The following ACVR2B variants were observed in gnomAD, a reference collection of about 807,000 sequenced individuals.
The protein encoded by ACVR2B is activin receptor type-2B.
ACVR2B carries 18 observed loss-of-function variants against 65.1 expected under a neutral mutation model. The ratio of observed to expected loss-of-function variants is 0.28; its 90% CI spans 0.19 to 0.41. The LOEUF (loss-of-function observed/expected upper bound fraction) is 0.41, where lower values mean the gene tolerates loss of function less well. Among genes scored for constraint, ACVR2B ranks in the 10% least tolerant of loss-of-function variants. The probability of loss-of-function intolerance (pLI) is 1.00; values close to 1 mark genes in which losing one functional copy is unlikely to be tolerated. For synonymous variants in ACVR2B, 298 were observed against 277.7 expected (o/e 1.07, Z -0.73); for missense variants, 482 against 682.7 (o/e 0.71, Z 3.28).
chr3:38,465,292 G>C (rs1289040060), intron 1 of ACVR2B, among the ~76,000 whole-genome samples: 1 of 151,690 alleles, frequency 6.6e-6, no homozygotes, highest in Non-Finnish European at 1.5e-5. Flanking sequence ...CCAGCTACTT[G>C]GGGGGCTGAG....
At chr3:38,462,010 T>G (rs1709656387) in intron 1 of ACVR2B, among the ~76,000 whole-genome samples, 1 of 151,932 alleles carries the variant, frequency 6.6e-6, no homozygotes, top group South Asian at 2.1e-4. Flanking sequence ...CTGACCAACA[T>G]GGAGAAACCC....
In ACVR2B at chr3:38,454,679, G is replaced by T. The variant is rs1392239222; in HGVS notation, c.52+305G>T. ...GCTACGCGGGCGCGTGGAACCCAGG[G>T]AAAGAGTGAGGAAAACCTGAGCGTG... On this transcript the variant is annotated intron_variant, in intron 1 of 10. Coordinates refer to ENST00000352511, the MANE Select transcript of ACVR2B (RefSeq NM_001106.4). The T allele has an allele frequency of 3.0e-5, 8 of 271,130 alleles. No individual in the cohort carries two copies. In the East Asian group the frequency reaches 4.9e-4, roughly 16 times the overall value. 16.8% of individuals were successfully genotyped at this position (271,130 alleles called of 1,614,324 possible).
chr3:38,454,552 TGGG>T, intron 1 of ACVR2B, 178 bp downstream of exon 1: 1 of 455,788 alleles, frequency 2.2e-6, no homozygotes, highest in Non-Finnish European at 3.4e-6. Flanking sequence ...TCGCCGAACT[TGGG>T]GGCACGATCT....
chr3:38,483,268 G>A lies in ACVR2B; in HGVS notation c.1475G>A (p.Cys492Tyr), dbSNP rs760196754. 1.5e-5 allele frequency: 25 copies of A among 1,614,080 alleles called. 1 individual carries two copies. The South Asian group carries it at 2.7e-4, about 18-fold the overall frequency. The change falls in exon 11 of 11, where the codon TGT becomes TAT. Residue 492 changes from cysteine to tyrosine, a missense_variant. Around this residue, in one of 5 missense-constraint regions of ACVR2B, gnomAD observed 38 missense variants for 29.3 expected, o/e 1.30. Transcript: ENST00000352511. This position sits in a 1 kb window ranked among gnomAD's most constrained non-coding sequence, Gnocchi z 4.8. ...RRSVNGTTSD[C>Y]LVSLVTSVTN... ...TCGGTCAACGGCACTACCTCGGACT[G>A]TCTCGTTTCCCTGGTGACCTCTGTC...
At chr3:38,467,443 CAAA>C (rs879791999) in intron 1 of ACVR2B, among the ~76,000 whole-genome samples, 3 of 128,966 alleles carry the variant, frequency 2.3e-5, no homozygotes, top group Non-Finnish European at 1.7e-5. Context: ...AACTCTGTCT[CAAA>C]AAAAAAAAAA....
intron 1 of ACVR2B, chr3:38,474,847 T>C (rs1265129769): frequency 6.6e-6 from 1 of 152,144 alleles, no homozygotes; most frequent in African/African-American, 2.4e-5. Flanking sequence ...CAGAGGAAGG[T>C]GGGTAACCTT....
rs983160305 is a variant in ACVR2B, at chr3:38,490,800, A to G, written c.*7468A>G. 1.3e-5 allele frequency: 2 copies of G among 152,600 alleles called. No individual in the cohort carries two copies. The highest frequency in any genetic ancestry group is 2.9e-5 in the Non-Finnish European group (2 of 68,070). The allele number at this position is 152,600 out of a possible 1,614,324, so 9.5% of individuals were successfully genotyped here. On this transcript the variant is annotated 3_prime_UTR_variant, in exon 11 of 11. Coordinates refer to ENST00000352511, the MANE Select transcript of ACVR2B (RefSeq NM_001106.4). Reference sequence around the variant, plus strand: ...AGCGTGGGCACTTGTTTTAAAGCAAAACTCTTCCCAAGGACTGAAGAAAGG... The same window carrying G: ...AGCGTGGGCACTTGTTTTAAAGCAAGACTCTTCCCAAGGACTGAAGAAAGG...
chr3:38,469,262 C>T (rs938592118), intron 1 of ACVR2B, among the ~76,000 whole-genome samples: 6 of 152,178 alleles, frequency 3.9e-5, no homozygotes, highest in Admixed American at 6.5e-5. Context: ...CAAGAAGGAG[C>T]TGGAAACTAG....
At position 38,479,175 on chromosome 3, in the gene ACVR2B, C is replaced by T. The variant is rs768662356; in HGVS notation, c.714C>T (p.Gly238=). 1.9e-6 allele frequency: 3 copies of T among 1,614,184 alleles called. No individual in the cohort carries two copies. Among genetic ancestry groups the T allele is most frequent in the East Asian group, 2.2e-5 (1 of 44,876 alleles). ...AACGGGAGATCTTCAGCACACCTGG[C>T]ATGAAGCACGAGAACCTGCTACAGT... ...QSEREIFSTP[G]MKHENLLQFI... Residue 238 remains glycine (G), a synonymous_variant, in exon 6 of 11, where the codon GGC becomes GGT. Coordinates refer to ENST00000352511, the MANE Select transcript of ACVR2B (RefSeq NM_001106.4).
chr3:38,482,420 T>G lies in ACVR2B; in HGVS notation c.1214-10T>G. The G allele has an allele frequency of 6.2e-7, 1 of 1,611,916 alleles. No individual in the cohort carries two copies. The highest frequency in any genetic ancestry group is 8.5e-7 in the Non-Finnish European group (1 of 1,179,670). ...TAGAGTGATCCTGCCAGGCTCTCTC[T>G]TTCTCCTAGGACCCGTGGATGAGTA... On this transcript the variant is annotated splice_polypyrimidine_tract_variant and intron_variant, in intron 9 of 10. Transcript: ENST00000352511.
In ACVR2B at chr3:38,482,560, G is replaced by A; in HGVS notation, c.1344G>A (p.Pro448=). The change falls in exon 10 of 11, where the codon CCG becomes CCA. Residue 448 remains proline (P), a splice_region_variant and synonymous_variant. Coordinates refer to ENST00000352511, the MANE Select transcript of ACVR2B (RefSeq NM_001106.4). ...PTIKDHWLKH[P]GLAQLCVTIE... Reference sequence around the variant, plus strand: ...TTAAAGATCACTGGTTGAAACACCCGGTAAGGGGCCTGGTTCAGGCAACTT... The same window carrying A: ...TTAAAGATCACTGGTTGAAACACCCAGTAAGGGGCCTGGTTCAGGCAACTT... 1 of 1,609,864 alleles carries A rather than the reference G, an allele frequency of 6.2e-7. No homozygotes were observed.
chr3:38,463,229 C>T (rs1028053351), intron 1 of ACVR2B, among the ~76,000 whole-genome samples: 3 of 152,144 alleles, frequency 2.0e-5, no homozygotes, highest in Admixed American at 1.3e-4. Context: ...ACTTACCAGG[C>T]TCTATGCTGC....
rs374865845 is a variant in ACVR2B, at chr3:38,482,182, C to T, written c.1075-16C>T. The T allele has an allele frequency of 6.2e-7, 1 of 1,613,766 alleles. No individual in the cohort carries two copies. The highest frequency in any genetic ancestry group is 1.3e-5 in the African/African-American group (1 of 74,880). ...GCCAGTCACTGTAAATCCTGCCCTCCTCTGTCCTCACATAGGTAGGCACGA... is the reference window on the plus strand; with the variant it reads ...GCCAGTCACTGTAAATCCTGCCCTCTTCTGTCCTCACATAGGTAGGCACGA... On this transcript the variant is annotated splice_polypyrimidine_tract_variant and intron_variant, in intron 8 of 10. Transcript: ENST00000352511.
chr3:38,461,898 TAGAG>T (rs1476937211), intron 1 of ACVR2B, among the ~76,000 whole-genome samples: 11 of 152,130 alleles, frequency 7.2e-5, no homozygotes, highest in Non-Finnish European at 1.3e-4. Flanking sequence ...CTTATAGAAA[TAGAG>T]AGGCTTTTGG....
rs1410892122 is a variant in ACVR2B, at chr3:38,477,566, C to T, written c.260+72C>T. On this transcript the variant is annotated intron_variant, in intron 2 of 10. Transcript: ENST00000352511. The surrounding 1 kb of genome is among the most constrained non-coding windows in gnomAD (Gnocchi z 6.7). The stretch of plus-strand genomic sequence containing the variant: ...ATACTGCCCACTGGGCCATTTGGGT[C>T]TCAGGATGTCTGAGTGGGAGATAAA... 7.2e-6 allele frequency: 11 copies of T among 1,526,004 alleles called. No homozygotes were observed. The highest frequency in any genetic ancestry group is 9.8e-6 in the Non-Finnish European group (11 of 1,117,092). 94.5% of individuals were successfully genotyped at this position (1,526,004 alleles called of 1,614,324 possible).
intron 1 of ACVR2B, among the ~76,000 whole-genome samples, chr3:38,457,978 C>T (rs149938366): frequency 6.6e-6 from 1 of 152,280 alleles, no homozygotes; most frequent in Non-Finnish European, 1.5e-5. Context: ...CGAGGCTCTG[C>T]CCTGTCTGGG....
intron 1 of ACVR2B, among the ~76,000 whole-genome samples, chr3:38,473,073 G>T (rs1246014124): frequency 2.0e-5 from 3 of 152,184 alleles, no homozygotes; most frequent in Non-Finnish European, 4.4e-5. Flanking sequence ...GGTGGTGTAT[G>T]TGGGAGTGGT....
intron 1 of ACVR2B, among the ~76,000 whole-genome samples, chr3:38,469,756 A>C (rs1381829498): frequency 6.6e-6 from 1 of 152,248 alleles, no homozygotes; most frequent in African/African-American, 2.4e-5. Context: ...ACATAAGCTC[A>C]GTATTCAAAA....
intron 3 of ACVR2B, 40 bp from the exon 4 acceptor site, chr3:38,478,101 T>C: frequency 1.2e-6 from 2 of 1,609,484 alleles, no homozygotes; most frequent in Non-Finnish European, 1.7e-6. Context: ...AGTGTGAGGG[T>C]GGGCAGACTG....
Sources: allele counts gnomAD v4.1 joint callset (sites outside exome capture counted in the v4.1 genomes callset), GRCh38; gene constraint gnomAD v4.1.1; regional missense constraint gnomAD v4.1.1; non-coding constraint Gnocchi (gnomAD v3.1); transcripts MANE v1.5; gene names NCBI Gene and HGNC (gene_info 2026-07-23, HGNC 2026-07-21).